Variants in CAB39L observed in about 807,000 individuals in gnomAD.
CAB39L encodes calcium-binding protein 39-like.
A neutral mutation model predicts 39.1 loss-of-function variants in CAB39L; 23 were observed. The observed-to-expected ratio is 0.59, with a 90% confidence interval of 0.42 to 0.83. CAB39L has a LOEUF of 0.83. Among genes scored for constraint, CAB39L ranks in the 40% least tolerant of loss-of-function variants. CAB39L has a pLI of 0.00. For synonymous variants in CAB39L, 126 were observed against 137.2 expected, an observed-to-expected ratio of 0.92 and a Z score of 0.57; for missense variants, 366 against 391.9, an observed-to-expected ratio of 0.93 and a Z score of 0.56.
intron 10 of CAB39L, among the ~76,000 whole-genome samples, chr13:49,316,407 T>C (rs1472469855): frequency 6.6e-6 from 1 of 152,096 alleles, no homozygotes; most frequent in Non-Finnish European, 1.5e-5. Flanking sequence ...TAAAGAAGAA[T>C]TAACACAAAT....
In CAB39L at chr13:49,350,380, C is replaced by T. The variant is rs182106110; in HGVS notation, c.564+364G>A. Among the ~76,000 whole-genome samples the T allele has an allele frequency of 5.1e-4, 77 of 152,338 alleles. 2 individuals are homozygous for T. In the South Asian group the frequency reaches 9.7e-3, roughly 19 times the overall value. On this transcript the variant is annotated intron_variant, in intron 7 of 10. Coordinates refer to ENST00000409308, the MANE Select transcript of CAB39L (RefSeq NM_001079670.3). ...ATCACTGTTGCTGTTTCCTATGCATCCTTGCAGAGGTATTCAGTGCATATG... is the reference window on the plus strand; with the variant it reads ...ATCACTGTTGCTGTTTCCTATGCATTCTTGCAGAGGTATTCAGTGCATATG...
intron 3 of CAB39L, among the ~76,000 whole-genome samples, chr13:49,395,104 C>A (rs991221101): frequency 7.2e-5 from 11 of 151,972 alleles, no homozygotes; most frequent in African/African-American, 2.7e-4. Context: ...TTTTCCGAAG[C>A]TTGTATAATA....
chr13:49,383,116 A>G (rs1252143774), intron 3 of CAB39L, among the ~76,000 whole-genome samples, 175 bp from the exon 4 acceptor site: 2 of 152,136 alleles, frequency 1.3e-5, no homozygotes, highest in African/African-American at 4.8e-5. Flanking sequence ...TATATTTTTA[A>G]AAAGATATTT....
chr13:49,434,339 C>T (rs968797977), intron 1 of CAB39L, 116 bp from the exon 2 acceptor site: 15 of 359,070 alleles, frequency 4.2e-5, no homozygotes, highest in African/African-American at 2.8e-4. Flanking sequence ...TCTCTCTGAA[C>T]CTAGTGGGAA....
chr13:49,333,565 T>A (rs1954766953), intron 9 of CAB39L, among the ~76,000 whole-genome samples: 1 of 136,864 alleles, frequency 7.3e-6, no homozygotes, highest in Non-Finnish European at 1.6e-5. Context: ...TCTTTCTTTC[T>A]TTCTTTTTTT....
intron 4 of CAB39L, among the ~76,000 whole-genome samples, chr13:49,382,003 C>T (rs572769897): frequency 6.6e-6 from 1 of 152,344 alleles, no homozygotes; most frequent in Admixed American, 6.5e-5. Context: ...TGCTCTCCAT[C>T]CTTGTCAACA....
chr13:49,388,709 G>A (rs1227070811), intron 3 of CAB39L, among the ~76,000 whole-genome samples: 1 of 152,116 alleles, frequency 6.6e-6, no homozygotes, highest in Non-Finnish European at 1.5e-5. Flanking sequence ...ACATGTGGGA[G>A]GGTGAGAATC....
In CAB39L at chr13:49,321,153, C is replaced by T. The variant is rs377686571; in HGVS notation, c.835-10160G>A. On this transcript the variant is annotated intron_variant, in intron 10 of 10. Coordinates refer to ENST00000409308, the MANE Select transcript of CAB39L (RefSeq NM_001079670.3). ...AAGAAGAAAGTAAAAAAATCACTGA[C>T]ATAATTCCTCCACCCAGAGATAACC... Among the ~76,000 whole-genome samples, 391 of 152,322 alleles carry T rather than the reference C, an allele frequency of 2.6e-3. 3 individuals carry two copies. The highest frequency in any genetic ancestry group is 6.2e-3 in the South Asian group (30 of 4,824).
chr13:49,435,071 T>C (rs1487900632), intron 1 of CAB39L, among the ~76,000 whole-genome samples: 3 of 152,242 alleles, frequency 2.0e-5, no homozygotes, highest in African/African-American at 7.2e-5. Flanking sequence ...TGCGGATACA[T>C]TGCATACTTT....
intron 10 of CAB39L, among the ~76,000 whole-genome samples, chr13:49,326,967 G>C (rs1459273390): frequency 1.3e-5 from 2 of 152,164 alleles, no homozygotes; most frequent in East Asian, 3.8e-4. Context: ...CAAGGGTCTT[G>C]AGAGGGCCTA....
chr13:49,362,788 C>T (rs1955670738), intron 5 of CAB39L, among the ~76,000 whole-genome samples: 1 of 151,874 alleles, frequency 6.6e-6, no homozygotes. Flanking sequence ...AAGAAGACTA[C>T]TTCAAAGCAT....
At chr13:49,396,230 C>T (rs1365406271) in intron 3 of CAB39L, among the ~76,000 whole-genome samples, 1 of 152,068 alleles carries the variant, frequency 6.6e-6, no homozygotes, top group Non-Finnish European at 1.5e-5. Context: ...AAACTGCTAA[C>T]TCATTTTAAG....
chr13:49,333,221 T>A (rs1258481279), intron 9 of CAB39L, among the ~76,000 whole-genome samples: 1 of 152,220 alleles, frequency 6.6e-6, no homozygotes, highest in African/African-American at 2.4e-5. Flanking sequence ...GTTATTCTCA[T>A]ACACATGGAA....
Position 49,350,724 on chromosome 13 carries a change from A to C in CAB39L, c.564+20T>G. On this transcript the variant is annotated intron_variant, in intron 7 of 10. Transcript: ENST00000409308. ...AAGTGACTATAAATTGACCTAGCTG[A>C]GTTGGAAAAAAAAAATTACCTTGAA... 6.6e-7 allele frequency: 1 copy of C among 1,513,562 alleles called. No individual in the cohort carries two copies. Among genetic ancestry groups the C allele is most frequent in the Non-Finnish European group, 8.9e-7 (1 of 1,128,056 alleles). The allele number at this position is 1,513,562 out of a possible 1,614,324, so 93.8% of individuals were successfully genotyped here.
chr13:49,349,726 G>A (rs959175774), intron 7 of CAB39L, among the ~76,000 whole-genome samples: 17 of 151,694 alleles, frequency 1.1e-4, no homozygotes, highest in African/African-American at 2.9e-4. Context: ...TACACTAACC[G>A]GAATGTCAAA....
At chr13:49,388,892 T>G (rs1185367553) in intron 3 of CAB39L, among the ~76,000 whole-genome samples, 1 of 152,158 alleles carries the variant, frequency 6.6e-6, no homozygotes, top group African/African-American at 2.4e-5. Flanking sequence ...CTGGTAGCTA[T>G]TTGGTCCGGG....
chr13:49,339,893 T>C (rs1954956802), intron 8 of CAB39L, 151 bp from the exon 9 acceptor site: 4 of 1,004,702 alleles, frequency 4.0e-6, no homozygotes, highest in South Asian at 4.4e-5. Context: ...GACAGGGAGG[T>C]CAAGAATTAC....
At chr13:49,332,433 A>C (rs565476580) in intron 9 of CAB39L, among the ~76,000 whole-genome samples, 2 of 152,304 alleles carry the variant, frequency 1.3e-5, no homozygotes, top group East Asian at 3.9e-4. Context: ...TTCAGGTAGA[A>C]GTAATAACAA....
intron 10 of CAB39L, among the ~76,000 whole-genome samples, chr13:49,331,247 C>T (rs1179312283): frequency 5.3e-5 from 8 of 151,932 alleles, no homozygotes; most frequent in Admixed American, 1.3e-4. Flanking sequence ...GGGCGGATCA[C>T]GAGGTCAGGA....
Sources: gnomAD v4.1 joint callset for allele counts (sites outside exome capture counted in the v4.1 genomes callset) on GRCh38, gnomAD v4.1.1 for gene constraint, MANE v1.5 for transcripts, NCBI Gene and HGNC (gene_info 2026-07-23, HGNC 2026-07-21) for gene names.